The following RIT2 variants were observed in gnomAD, a reference collection of about 807,000 sequenced individuals.
RIT2 encodes the protein Ras like without CAAX 2.
Under a neutral mutation model 23.7 loss-of-function variants are expected in RIT2, and 24 were observed. The ratio of observed to expected loss-of-function variants is 1.01; its 90% confidence interval spans 0.73 to 1.43. RIT2 has a LOEUF of 1.43. Ranked by LOEUF, RIT2 falls within the 40% of genes most tolerant of loss-of-function variation. The probability of loss-of-function intolerance (pLI) is 0.00; values close to 1 mark genes in which losing one functional copy is unlikely to be tolerated. For synonymous variants in RIT2, 107 were observed against 91.1 expected (o/e 1.17, Z -0.99); for missense variants, 236 against 266.9 (o/e 0.88, Z 0.81).
chr18:42,754,134 G>T (rs1913108603), intron 4 of RIT2, among the ~76,000 whole-genome samples: 1 of 152,180 alleles, frequency 6.6e-6, no homozygotes, highest in Admixed American at 6.5e-5. Context: ...AACTCAACTG[G>T]TGAGGAGATG....
intron 3 of RIT2, among the ~76,000 whole-genome samples, chr18:42,927,479 A>G (rs1438593759): frequency 1.3e-5 from 2 of 151,860 alleles, no homozygotes; most frequent in Non-Finnish European, 2.9e-5. Flanking sequence ...CTATGTATCA[A>G]CTTAATAATA....
intron 2 of RIT2, among the ~76,000 whole-genome samples, chr18:43,030,229 T>G (rs1052694259): frequency 1.3e-5 from 2 of 152,090 alleles, no homozygotes; most frequent in African/African-American, 4.8e-5. Context: ...AAGAAAGGCT[T>G]ATTTTTGGGA....
chr18:42,857,690 G>A (rs767082902), intron 4 of RIT2, among the ~76,000 whole-genome samples: 1 of 152,166 alleles, frequency 6.6e-6, no homozygotes, highest in Non-Finnish European at 1.5e-5. Flanking sequence ...AAGTGGCTAT[G>A]CCCTGGATGT....
intron 1 of RIT2, among the ~76,000 whole-genome samples, chr18:43,099,699 A>G (rs1301096989): frequency 6.6e-6 from 1 of 152,120 alleles, no homozygotes. Context: ...AGAGCCATGT[A>G]TGCTCTCTTT....
At chr18:42,985,710 G>A (rs1910693148) in intron 2 of RIT2, among the ~76,000 whole-genome samples, 1 of 151,866 alleles carries the variant, frequency 6.6e-6, no homozygotes, top group South Asian at 2.1e-4. Flanking sequence ...GGAAATAATG[G>A]AATTTGCTAC....
At chr18:42,881,174 G>C (rs1263208628) in intron 4 of RIT2, among the ~76,000 whole-genome samples, 1 of 151,964 alleles carries the variant, frequency 6.6e-6, no homozygotes, top group Non-Finnish European at 1.5e-5. Flanking sequence ...CACTGTTAAT[G>C]GTAACACAAC....
intron 4 of RIT2, among the ~76,000 whole-genome samples, chr18:42,918,237 A>G (rs991946419): frequency 6.6e-6 from 1 of 152,172 alleles, no homozygotes; most frequent in Admixed American, 6.6e-5. Flanking sequence ...GACAGTAGCG[A>G]AAACATATAT....
intron 4 of RIT2, among the ~76,000 whole-genome samples, chr18:42,853,536 T>C (rs1360040301): frequency 2.0e-5 from 3 of 152,242 alleles, no homozygotes; most frequent in Non-Finnish European, 4.4e-5. Context: ...TAAAGACCCA[T>C]AGAATATTAT....
intron 1 of RIT2, among the ~76,000 whole-genome samples, chr18:43,059,776 A>C (rs1912599360): frequency 1.1e-5 from 1 of 94,744 alleles, no homozygotes; most frequent in Non-Finnish European, 3.0e-5. Context: ...TCATTCTTAC[A>C]CTTTTTTTTT....
At chr18:42,992,089 C>T (rs560633713) in intron 2 of RIT2, among the ~76,000 whole-genome samples, 38 of 152,050 alleles carry the variant, frequency 2.5e-4, no homozygotes, top group Middle Eastern at 3.4e-3. Flanking sequence ...TCCTTCCCTC[C>T]GTGTCTCTAC....
At chr18:43,001,567 C>T (rs1911108824) in intron 2 of RIT2, among the ~76,000 whole-genome samples, 1 of 151,804 alleles carries the variant, frequency 6.6e-6, no homozygotes, top group Non-Finnish European at 1.5e-5. Context: ...ATATTTTTCC[C>T]ATCTCAGTAT....
intron 1 of RIT2, among the ~76,000 whole-genome samples, chr18:43,101,653 G>C (rs867664994): frequency 5.3e-5 from 8 of 152,238 alleles, no homozygotes; most frequent in Middle Eastern, 3.4e-3. Flanking sequence ...AACATGCCAG[G>C]CTGTCTCAGA....
At chr18:43,012,399 A>G (rs1476942241) in intron 2 of RIT2, among the ~76,000 whole-genome samples, 1 of 151,862 alleles carries the variant, frequency 6.6e-6, no homozygotes, top group Non-Finnish European at 1.5e-5. Context: ...ACTTGAATTG[A>G]TATACAACAG....
At chr18:43,005,780 A>C (rs1178069320) in intron 2 of RIT2, among the ~76,000 whole-genome samples, 1 of 151,844 alleles carries the variant, frequency 6.6e-6, no homozygotes, top group African/African-American at 2.4e-5. Flanking sequence ...GCATGGGATC[A>C]GCATATGTGT....
intron 1 of RIT2, among the ~76,000 whole-genome samples, chr18:43,073,478 G>A (rs1912943263): frequency 6.6e-6 from 1 of 152,116 alleles, no homozygotes; most frequent in African/African-American, 2.4e-5. Flanking sequence ...TGTGATGCTA[G>A]CTCCAAACAT....
intron 4 of RIT2, among the ~76,000 whole-genome samples, chr18:42,834,879 T>C (rs1906554821): frequency 6.6e-6 from 1 of 152,200 alleles, no homozygotes; most frequent in Admixed American, 6.5e-5. Flanking sequence ...TAGGATGTTT[T>C]TGGCATGCTT....
At chr18:42,977,361 T>C (rs1167221714) in intron 2 of RIT2, among the ~76,000 whole-genome samples, 2 of 152,102 alleles carry the variant, frequency 1.3e-5, no homozygotes, top group African/African-American at 4.8e-5. Flanking sequence ...TTATGTAGCA[T>C]TTATATTATA....
chr18:43,073,094 G>T (rs894489437), intron 1 of RIT2, among the ~76,000 whole-genome samples: 2 of 152,122 alleles, frequency 1.3e-5, no homozygotes, highest in Admixed American at 6.5e-5. Flanking sequence ...AATAACGAGG[G>T]TGTAGAACTC....
intron 4 of RIT2, among the ~76,000 whole-genome samples, chr18:42,881,891 G>A (rs1437997056): frequency 1.3e-5 from 2 of 152,286 alleles, no homozygotes; most frequent in Non-Finnish European, 2.9e-5. Flanking sequence ...ATTAATGAAT[G>A]CCTGTGTTAC....
Sources: gnomAD v4.1 joint callset for allele counts (sites outside exome capture counted in the v4.1 genomes callset) on GRCh38, gnomAD v4.1.1 for gene constraint, MANE v1.5 for transcripts, NCBI Gene and HGNC (gene_info 2026-07-23, HGNC 2026-07-21) for gene names.